Variants in MED1 observed in about 807,000 individuals in gnomAD.
MED1 encodes mediator of RNA polymerase II transcription subunit 1.
A neutral mutation model predicts 121.3 loss-of-function variants in MED1; 17 were observed. The observed-to-expected ratio is 0.14, with a 90% CI of 0.10 to 0.21. The LOEUF is 0.21. Ranked by LOEUF, MED1 falls within the 10% of genes least tolerant of loss-of-function variation. The pLI is 1.00. For synonymous variants in MED1, 661 were observed against 694.4 expected (o/e 0.95, Z 0.76); for missense variants, 1,558 against 1,919.4 (o/e 0.81, Z 3.52).
chr17:39,443,619 C>G lies in MED1; in HGVS notation c.142G>C (p.Val48Leu), dbSNP rs1248497304. Reference sequence around the variant, plus strand: ...TGATGCCCTCCAGAACTCATCACAACCCTCTTCTCCTGTGTCAAGTGGGAA... The same window carrying G: ...TGATGCCCTCCAGAACTCATCACAAGCCTCTTCTCCTGTGTCAAGTGGGAA... ...KLVRQVMEKR[V>L]VMSSGGHQHL... The change falls in exon 3 of 17, where the codon GTT becomes CTT. Residue 48 changes from valine to leucine, a missense_variant. By Grantham distance (32) the Val-to-Leu change is conservative (BLOSUM62 1). Around this residue, in one of 5 missense-constraint regions of MED1, gnomAD observed 443 missense variants for 532.4 expected, o/e 0.83. Coordinates refer to ENST00000300651, the MANE Select transcript of MED1 (RefSeq NM_004774.4). The G allele has an allele frequency of 3.7e-6, 6 of 1,613,604 alleles. No individual in the cohort carries two copies. The Admixed American group carries it at 8.3e-5, about 22-fold the overall frequency.
chr17:39,442,905 C>CAA (rs751236293), intron 3 of MED1, among the ~76,000 whole-genome samples: 390 of 16,512 alleles, frequency 0.024, 2 homozygotes, highest in East Asian at 0.035. Flanking sequence ...AACTCCATCT[C>CAA]AAAAAAAAAA....
At chr17:39,444,473 C>T (rs1214238143) in intron 2 of MED1, among the ~76,000 whole-genome samples, 1 of 151,048 alleles carries the variant, frequency 6.6e-6, no homozygotes, top group African/African-American at 2.4e-5. Flanking sequence ...CACCACTGCA[C>T]TCCAGCCTGG....
Position 39,410,676 on chromosome 17 carries a change from A to G in MED1, c.1545T>C (p.Ala515=). 1 of 1,613,982 alleles carries G rather than the reference A, an allele frequency of 6.2e-7. No individual in the cohort carries two copies. Among genetic ancestry groups the G allele is most frequent in the Non-Finnish European group, 8.5e-7 (1 of 1,179,928 alleles). Residue 515 remains alanine (A), a synonymous_variant, in exon 17 of 17, where the codon GCT becomes GCC. Coordinates refer to ENST00000300651, the MANE Select transcript of MED1 (RefSeq NM_004774.4). ...CTGGGGTGTCGGCTTGAATGGTTTCAGCTTTCCTCCGAATAGCCCTCATCG... is the reference window on the plus strand; with the variant it reads ...CTGGGGTGTCGGCTTGAATGGTTTCGGCTTTCCTCCGAATAGCCCTCATCG... The part of the protein sequence containing the change: ...PVTMRAIRRK[A]ETIQADTPAL...
intron 1 of MED1, 152 bp from the exon 2 acceptor site, chr17:39,448,056 C>T (rs2048744829): frequency 3.7e-6 from 2 of 542,368 alleles, no homozygotes; most frequent in Admixed American, 3.1e-5. Flanking sequence ...CCAAAGAAGA[C>T]ATTTTTAATG....
In MED1 at chr17:39,408,858, A is replaced by G. The variant is rs1216242371; in HGVS notation, c.3363T>C (p.Gly1121=). The G allele has an allele frequency of 1.2e-6, 2 of 1,614,058 alleles. No homozygotes were observed. The highest frequency in any genetic ancestry group is 1.7e-6 in the Non-Finnish European group (2 of 1,180,026). Residue 1121 remains glycine, a synonymous_variant, in exon 17 of 17, where the codon GGT becomes GGC. Coordinates refer to ENST00000300651, the MANE Select transcript of MED1 (RefSeq NM_004774.4). The surrounding 1 kb of genome is among the most constrained non-coding windows in gnomAD (Gnocchi z 4.7). The part of the protein sequence containing the change: ...SGKMKSSKSE[G]SSSSKLSSSM... Reference sequence around the variant, plus strand: ...TGCTACTTAACTTGGAACTTGATGAACCTTCTGATTTACTGCTTTTCATCT... The same window carrying G: ...TGCTACTTAACTTGGAACTTGATGAGCCTTCTGATTTACTGCTTTTCATCT...
intron 6 of MED1, among the ~76,000 whole-genome samples, chr17:39,436,475 TCAAAA>T (rs1224963621): frequency 1.3e-5 from 2 of 151,494 alleles, no homozygotes; most frequent in East Asian, 1.9e-4. Context: ...TTCGCAATGC[TCAAAA>T]CAAAGTGTAT....
intron 2 of MED1, 142 bp downstream of exon 2, chr17:39,447,656 A>C (rs1346410721): frequency 9.2e-6 from 5 of 543,624 alleles, no homozygotes; most frequent in Non-Finnish European, 1.6e-5. Context: ...TGTAGTATAG[A>C]TACAATAGAC....
chr17:39,445,773 G>A (rs1242994543), intron 2 of MED1, among the ~76,000 whole-genome samples: 3 of 151,430 alleles, frequency 2.0e-5, no homozygotes, highest in Non-Finnish European at 2.9e-5. Context: ...GCTCACACCC[G>A]TAATCACAGC....
At chr17:39,435,020 T>C (rs1403844812) in intron 6 of MED1, among the ~76,000 whole-genome samples, 2 of 151,794 alleles carry the variant, frequency 1.3e-5, no homozygotes, top group Non-Finnish European at 2.9e-5. Context: ...AAAAAAAAAT[T>C]AGCCGAGTGT....
chr17:39,448,097 G>A (rs889467006), intron 1 of MED1, among the ~76,000 whole-genome samples, 193 bp from the exon 2 acceptor site: 2 of 150,408 alleles, frequency 1.3e-5, no homozygotes, highest in South Asian at 4.2e-4. Flanking sequence ...TGGGTCTGAT[G>A]TAAGGAATAC....
chr17:39,420,734 A>G (rs2048454977), intron 13 of MED1, among the ~76,000 whole-genome samples: 1 of 151,484 alleles, frequency 6.6e-6, no homozygotes, highest in Non-Finnish European at 1.5e-5. Flanking sequence ...TCCCAGGATG[A>G]AGCCCCTCAG....
At chr17:39,441,604 T>C (rs554393336) in intron 3 of MED1, among the ~76,000 whole-genome samples, 6 of 152,000 alleles carry the variant, frequency 3.9e-5, no homozygotes, top group Non-Finnish European at 5.9e-5. Context: ...ACCCTGTCTC[T>C]AATAAAAATA....
rs554861634 is a variant in MED1 at position 39,439,098 on chromosome 17, T to A, written c.428+67A>T. 130 of 1,440,532 alleles carry A rather than the reference T, an allele frequency of 9.0e-5. 1 individual carries two copies. The South Asian group carries it at 1.6e-3, about 18-fold the overall frequency. 89.2% of individuals were successfully genotyped at this position (1,440,532 alleles called of 1,614,324 possible). Reference sequence around the variant, plus strand: ...TGAGGAGAATAACTTCTGACCAGTCTTAAAAGCCAGCTGTAAAGAACAGCA... The same window carrying A: ...TGAGGAGAATAACTTCTGACCAGTCATAAAAGCCAGCTGTAAAGAACAGCA... On this transcript the variant is annotated intron_variant, in intron 6 of 16. Transcript: ENST00000300651.
chr17:39,413,267 AGTTT>A (rs1158123479), intron 16 of MED1, among the ~76,000 whole-genome samples: 16 of 151,902 alleles, frequency 1.1e-4, no homozygotes, highest in East Asian at 5.8e-4. Flanking sequence ...TTATTTAGTT[AGTTT>A]GTTTGTTTTG....
chr17:39,406,355 G>A lies in MED1; in HGVS notation c.*1120C>T. ...AGTTTGGACTCCTTCTCCTTGTGAT[G>A]AAGAGAAACAGTGAGTCCAGCTCTT... On this transcript the variant is annotated 3_prime_UTR_variant, in exon 17 of 17. Coordinates refer to ENST00000300651, the MANE Select transcript of MED1 (RefSeq NM_004774.4). 1 of 985,536 alleles carries A rather than the reference G, an allele frequency of 1.0e-6. No homozygotes were observed. The allele number at this position is 985,536 out of a possible 1,614,324, so 61.0% of individuals were successfully genotyped here.
chr17:39,437,872 T>C (rs12942965), intron 6 of MED1, among the ~76,000 whole-genome samples: 4,905 of 151,740 alleles, frequency 0.032, 275 homozygotes, highest in African/African-American at 0.11. Context: ...AGGCAGAGGA[T>C]GCGGTGAGCC....
chr17:39,432,567 G>T (rs1428930899), intron 7 of MED1, among the ~76,000 whole-genome samples: 4 of 151,036 alleles, frequency 2.6e-5, no homozygotes, highest in Non-Finnish European at 5.9e-5. Flanking sequence ...GGGCAACACG[G>T]TGAAACCCCG....
intron 14 of MED1, among the ~76,000 whole-genome samples, chr17:39,417,728 C>G (rs915923614): frequency 1.3e-5 from 2 of 152,216 alleles, no homozygotes; most frequent in African/African-American, 4.8e-5. Flanking sequence ...TATCTATCAA[C>G]AGAGCGCTTC....
chr17:39,435,810 TCCAG>T (rs2048613003), intron 6 of MED1, among the ~76,000 whole-genome samples: 2 of 152,158 alleles, frequency 1.3e-5, no homozygotes, highest in South Asian at 4.1e-4. Flanking sequence ...CACGCAATTC[TCCAG>T]CCTCAGCCTC....
Sources: gnomAD v4.1 joint callset for allele counts (sites outside exome capture counted in the v4.1 genomes callset) on GRCh38, gnomAD v4.1.1 for gene constraint, gnomAD v4.1.1 regional missense constraint, Gnocchi (gnomAD v3.1) non-coding constraint, MANE v1.5 for transcripts, NCBI Gene and HGNC (gene_info 2026-07-23, HGNC 2026-07-21) for gene names.